JAK2: variants seen among roughly 807,000 people sequenced by gnomAD.
JAK2 encodes Janus kinase 2.
A neutral mutation model predicts 139.3 loss-of-function variants in JAK2; 86 were observed. The ratio of observed to expected loss-of-function variants is 0.62; its 90% CI spans 0.52 to 0.74. JAK2 has a LOEUF of 0.74. Among genes scored for constraint, JAK2 ranks in the 30% least tolerant of loss-of-function variants. JAK2 has a pLI of 0.00. For missense variants in JAK2, 1,421 were observed against 1,360.3 expected, an observed-to-expected ratio of 1.04 and a Z score of -0.70; for synonymous variants, 490 against 437.7, an observed-to-expected ratio of 1.12 and a Z score of -1.49.
intron 3 of JAK2, among the ~76,000 whole-genome samples, chr9:5,026,797 T>C (rs901894868): frequency 4.6e-5 from 7 of 152,224 alleles, no homozygotes; most frequent in Non-Finnish European, 5.9e-5. Context: ...TTAGGTATTC[T>C]CTTGGTTTTT....
At chr9:5,065,918 A>T (rs1818535756) in intron 9 of JAK2, among the ~76,000 whole-genome samples, 1 of 152,198 alleles carries the variant, frequency 6.6e-6, no homozygotes, top group African/African-American at 2.4e-5. Flanking sequence ...TTATTTAGTA[A>T]TGAATATTGT....
chr9:5,059,279 T>A (rs1197846384), intron 8 of JAK2, among the ~76,000 whole-genome samples: 2 of 152,318 alleles, frequency 1.3e-5, no homozygotes, highest in East Asian at 3.9e-4. Context: ...TCACTTAGTT[T>A]TATCTATTAA....
At chr9:5,101,334 C>G (rs920770452) in intron 22 of JAK2, among the ~76,000 whole-genome samples, 1 of 152,252 alleles carries the variant, frequency 6.6e-6, no homozygotes, top group East Asian at 1.9e-4. Context: ...GGCGGAGGGG[C>G]GTCCGCCATT....
intron 23 of JAK2, 180 bp from the exon 24 acceptor site, chr9:5,126,153 A>G: frequency 4.0e-6 from 2 of 494,386 alleles, no homozygotes; most frequent in South Asian, 3.3e-5. Flanking sequence ...TGGAAATTAT[A>G]GAAGTTCCAT....
intron 8 of JAK2, among the ~76,000 whole-genome samples, chr9:5,061,643 A>G (rs984232837): frequency 6.6e-6 from 1 of 152,208 alleles, no homozygotes. Context: ...TTGATCTTCT[A>G]TCTAGAACTT....
At chr9:5,038,460 T>C (rs1321566606) in intron 4 of JAK2, among the ~76,000 whole-genome samples, 1 of 152,088 alleles carries the variant, frequency 6.6e-6, no homozygotes, top group Non-Finnish European at 1.5e-5. Context: ...CAGACAAAGA[T>C]GTCTAGAAGA....
At chr9:4,994,011 T>C (rs923697938) in intron 2 of JAK2, among the ~76,000 whole-genome samples, 6 of 152,222 alleles carry the variant, frequency 3.9e-5, no homozygotes, top group Non-Finnish European at 5.9e-5. Context: ...GTTCCCACCT[T>C]GTGCCTTGAG....
chr9:5,089,559 AAAAAAAGAC>A (rs1445592429), intron 19 of JAK2, 106 bp from the exon 20 acceptor site: 12 of 364,220 alleles, frequency 3.3e-5, no homozygotes, highest in African/African-American at 2.6e-4. Flanking sequence ...AAAAAAAAAA[AAAAAAAGAC>A]AGTCTGCTAA....
chr9:5,017,052 A>G (rs1451214277), intron 2 of JAK2, among the ~76,000 whole-genome samples: 1 of 152,258 alleles, frequency 6.6e-6, no homozygotes, highest in African/African-American at 2.4e-5. Flanking sequence ...TGCTAATGCA[A>G]ACAAGTTTTA....
At chr9:5,097,279 CAA>C (rs1821074555) in intron 22 of JAK2, 2 of 152,186 alleles carry the variant, frequency 1.3e-5, no homozygotes, top group Admixed American at 1.3e-4. Context: ...GGCATTACCA[CAA>C]TATTAACTGA....
intron 8 of JAK2, among the ~76,000 whole-genome samples, chr9:5,060,960 T>A (rs934197056): frequency 6.6e-6 from 1 of 152,222 alleles, no homozygotes; most frequent in African/African-American, 2.4e-5. Context: ...GAAAATAACA[T>A]GAATATCCTT....
chr9:5,064,843 T>C (rs1216282475), intron 8 of JAK2, 40 bp from the exon 9 acceptor site: 8 of 1,436,832 alleles, frequency 5.6e-6, no homozygotes, highest in Non-Finnish European at 7.4e-6. Context: ...TGGAGTTGAC[T>C]TTCTAAAAGG....
intron 22 of JAK2, among the ~76,000 whole-genome samples, chr9:5,104,087 T>C (rs541342457): frequency 5.5e-4 from 84 of 152,134 alleles, no homozygotes; most frequent in Admixed American, 2.0e-3. Flanking sequence ...CTGAAGGAGA[T>C]AGAGACACAA....
intron 8 of JAK2, among the ~76,000 whole-genome samples, chr9:5,061,858 G>GA (rs1310709980): frequency 2.6e-5 from 4 of 152,228 alleles, no homozygotes; most frequent in Non-Finnish European, 4.4e-5. Flanking sequence ...TAAAGTGAGA[G>GA]ATGGGTGAAT....
chr9:5,029,880 C>G lies in JAK2; in HGVS notation c.324C>G (p.Thr108=), dbSNP rs768067545. 6.2e-7 allele frequency: 1 copy of G among 1,612,278 alleles called. No individual in the cohort carries two copies. Among genetic ancestry groups the G allele is most frequent in the East Asian group, 2.2e-5 (1 of 44,758 alleles). ...ATGTCTTCCATATAGATGAGTCAAC[C>G]AGGCATAATGTACTCTACAGAATAA... The part of the protein sequence containing the change: ...PNHVFHIDES[T]RHNVLYRIRF... Residue 108 remains threonine, a synonymous_variant, in exon 4 of 25, where the codon ACC becomes ACG. Coordinates refer to ENST00000381652, the MANE Select transcript of JAK2 (RefSeq NM_004972.4).
At chr9:5,089,914 C>T in intron 20 of JAK2, 51 bp downstream of exon 20, 1 of 1,255,486 alleles carries the variant, frequency 8.0e-7, no homozygotes, top group Non-Finnish European at 1.1e-6. Context: ...TGTTTGGCAT[C>T]CTGTGTAATA....
chr9:4,987,068 T>C (rs1361462192), intron 2 of JAK2, among the ~76,000 whole-genome samples: 1 of 152,248 alleles, frequency 6.6e-6, no homozygotes, highest in African/African-American at 2.4e-5. Context: ...TGTACATGCA[T>C]TTGTCTGTTG....
chr9:5,120,490 A>G (rs1823532022), intron 22 of JAK2, among the ~76,000 whole-genome samples: 2 of 152,214 alleles, frequency 1.3e-5, no homozygotes, highest in Admixed American at 1.3e-4. Flanking sequence ...TTGTTCGAAA[A>G]GGCTCTTTTG....
intron 22 of JAK2, among the ~76,000 whole-genome samples, chr9:5,105,323 A>G (rs746844911): frequency 1.4e-4 from 21 of 152,228 alleles, no homozygotes; most frequent in Admixed American, 6.5e-5. Context: ...CAAAGAGAAT[A>G]AAATACCTGG....
Sources: gnomAD v4.1 joint callset for allele counts (sites outside exome capture counted in the v4.1 genomes callset) on GRCh38, gnomAD v4.1.1 for gene constraint, MANE v1.5 for transcripts, NCBI Gene and HGNC (gene_info 2026-07-23, HGNC 2026-07-21) for gene names.